MIPOL1: variants seen among roughly 807,000 people sequenced by gnomAD.
MIPOL1 encodes the protein mirror-image polydactyly 1.
A neutral mutation model predicts 60.9 loss-of-function variants in MIPOL1; 57 were observed. The observed-to-expected ratio is 0.94, with a 90% confidence interval of 0.76 to 1.17. The LOEUF (loss-of-function observed/expected upper bound fraction) is 1.17, where lower values mean the gene tolerates loss of function less well. Ranked by LOEUF, MIPOL1 falls within the 50% of genes most tolerant of loss-of-function variation. The pLI is 0.00. For missense variants in MIPOL1, 551 were observed against 511.6 expected (o/e 1.08, Z -0.74); for synonymous variants, 179 against 168.8 (o/e 1.06, Z -0.47).
intron 10 of MIPOL1, among the ~76,000 whole-genome samples, chr14:37,403,586 A>AT (rs1425292478): frequency 2.0e-5 from 3 of 151,732 alleles, no homozygotes; most frequent in Non-Finnish European, 4.4e-5. Flanking sequence ...TCTGGCTAAT[A>AT]TTTTTTATAT....
chr14:37,247,277 A>G (rs1216629869), intron 2 of MIPOL1, 37 bp downstream of exon 2: 2 of 152,540 alleles, frequency 1.3e-5, no homozygotes, highest in Non-Finnish European at 2.9e-5. Context: ...AGCATAAAAA[A>G]AAACTTGCAT....
At chr14:37,321,031 G>A (rs1367981438) in intron 9 of MIPOL1, among the ~76,000 whole-genome samples, 1 of 152,008 alleles carries the variant, frequency 6.6e-6, no homozygotes, top group Admixed American at 6.6e-5. Context: ...GATAGTGTAA[G>A]GATCCAGCTG....
chr14:37,223,825 T>C (rs1969248718), intron 1 of MIPOL1, among the ~76,000 whole-genome samples: 1 of 152,220 alleles, frequency 6.6e-6, no homozygotes, highest in Non-Finnish European at 1.5e-5. Flanking sequence ...TTTACAAAGT[T>C]AAATTTATTA....
At chr14:37,544,641 T>A (rs1234888676) in intron 12 of MIPOL1, among the ~76,000 whole-genome samples, 2 of 152,228 alleles carry the variant, frequency 1.3e-5, no homozygotes, top group Non-Finnish European at 2.9e-5. Flanking sequence ...GGCAGGTGTA[T>A]TCCATTCCTT....
At chr14:37,365,011 T>C (rs2092421315) in intron 9 of MIPOL1, among the ~76,000 whole-genome samples, 1 of 152,234 alleles carries the variant, frequency 6.6e-6, no homozygotes, top group African/African-American at 2.4e-5. Flanking sequence ...GATTTTTCAC[T>C]GTTGTCATAT....
At position 37,481,551 on chromosome 14, in the gene MIPOL1, A is replaced by AC. The variant is rs760070603; in HGVS notation, c.1032-18349dup. ...AAAAACTATCATGGAACTCATATGG[A>AC]CCCCCCCCAACACACACACACACAC... On this transcript the variant is annotated intron_variant, in intron 11 of 12. Transcript: ENST00000684589. Among the ~76,000 whole-genome samples the AC allele has an allele frequency of 7.5e-4, 93 of 123,524 alleles. 1 individual carries two copies. The highest frequency in any genetic ancestry group is 4.5e-3 in the Middle Eastern group (1 of 220). The allele number at this position is 123,524 out of a possible 152,430, so 81.0% of individuals were successfully genotyped here.
At chr14:37,477,641 C>T (rs1218359536) in intron 11 of MIPOL1, among the ~76,000 whole-genome samples, 1 of 152,158 alleles carries the variant, frequency 6.6e-6, no homozygotes, top group Admixed American at 6.5e-5. Flanking sequence ...AAATAACACA[C>T]CTGACCTCAT....
chr14:37,290,516 G>A (rs988295282), intron 7 of MIPOL1, among the ~76,000 whole-genome samples: 5 of 152,040 alleles, frequency 3.3e-5, no homozygotes, highest in Non-Finnish European at 4.4e-5. Context: ...ATGAGCCACC[G>A]TGCCCAGCTG....
intron 12 of MIPOL1, among the ~76,000 whole-genome samples, chr14:37,526,489 C>A (rs1718583274): frequency 6.6e-6 from 1 of 151,228 alleles, no homozygotes; most frequent in South Asian, 2.1e-4. Flanking sequence ...CCTGCCTCAG[C>A]CCCCCAAGTA....
chr14:37,430,939 A>C (rs2094052960), intron 11 of MIPOL1, among the ~76,000 whole-genome samples: 1 of 152,176 alleles, frequency 6.6e-6, no homozygotes, highest in Non-Finnish European at 1.5e-5. Flanking sequence ...TATAAGAATA[A>C]AACTAAATTT....
chr14:37,267,286 G>C, intron 4 of MIPOL1, 117 bp downstream of exon 4: 2 of 692,326 alleles, frequency 2.9e-6, no homozygotes, highest in Non-Finnish European at 4.9e-6. Flanking sequence ...TCAGGAGTTC[G>C]AGACCAGCCT....
chr14:37,356,345 T>G (rs1050301288), intron 9 of MIPOL1, among the ~76,000 whole-genome samples: 4 of 151,900 alleles, frequency 2.6e-5, no homozygotes, highest in Non-Finnish European at 5.9e-5. Context: ...CTGCAGAGGT[T>G]ACTGCTGTCT....
At chr14:37,286,147 T>C (rs1345936827) in intron 7 of MIPOL1, among the ~76,000 whole-genome samples, 1 of 152,240 alleles carries the variant, frequency 6.6e-6, no homozygotes, top group African/African-American at 2.4e-5. Context: ...TCCTGTTCTT[T>C]ACTGCTTTTT....
intron 1 of MIPOL1, among the ~76,000 whole-genome samples, chr14:37,228,296 G>A (rs552876310): frequency 1.4e-5 from 2 of 147,926 alleles, no homozygotes; most frequent in Admixed American, 1.4e-4. Flanking sequence ...TTTTTGGTTG[G>A]TTCCTCAGGT....
chr14:37,421,558 C>G (rs1013094599), intron 10 of MIPOL1, among the ~76,000 whole-genome samples: 3 of 151,932 alleles, frequency 2.0e-5, no homozygotes, highest in African/African-American at 7.2e-5. Context: ...AGATGCTTTT[C>G]CCTAGTTTTT....
At chr14:37,454,375 T>C (rs1341904415) in intron 11 of MIPOL1, among the ~76,000 whole-genome samples, 1 of 152,210 alleles carries the variant, frequency 6.6e-6, no homozygotes, top group Non-Finnish European at 1.5e-5. Context: ...ACAGAAGGTG[T>C]AGTGATAGTG....
At chr14:37,385,535 G>T (rs2093041018) in intron 10 of MIPOL1, 1 of 152,046 alleles carries the variant, frequency 6.6e-6, no homozygotes, top group Non-Finnish European at 1.5e-5. Context: ...AATGGCACAG[G>T]CCTTCAGGAT....
At chr14:37,539,136 A>G (rs982531793) in intron 12 of MIPOL1, among the ~76,000 whole-genome samples, 2 of 152,058 alleles carry the variant, frequency 1.3e-5, no homozygotes, top group African/African-American at 4.8e-5. Context: ...CAGGAGGCGG[A>G]GCTTGCAGTG....
intron 1 of MIPOL1, among the ~76,000 whole-genome samples, chr14:37,225,857 C>T (rs1466907789): frequency 2.0e-5 from 3 of 152,122 alleles, no homozygotes; most frequent in Non-Finnish European, 4.4e-5. Context: ...AACTGAATGC[C>T]TTTAACAGCA....
Sources: allele counts gnomAD v4.1 joint callset (sites outside exome capture counted in the v4.1 genomes callset), GRCh38; gene constraint gnomAD v4.1.1; transcripts MANE v1.5; gene names NCBI Gene and HGNC (gene_info 2026-07-23, HGNC 2026-07-21).